The following ACADL variants were observed in gnomAD, a reference collection of about 807,000 sequenced individuals.
The protein encoded by ACADL is long-chain specific acyl-CoA dehydrogenase, mitochondrial.
Under a neutral mutation model 56.9 loss-of-function variants are expected in ACADL, and 60 were observed. The ratio of observed to expected loss-of-function variants is 1.05; its 90% confidence interval spans 0.86 to 1.31. The LOEUF is 1.31. Among genes scored for constraint, ACADL ranks in the 50% most tolerant of loss-of-function variants. ACADL has a pLI of 0.00. For synonymous variants in ACADL, 158 were observed against 179.7 expected, an observed-to-expected ratio of 0.88 and a Z score of 0.97; for missense variants, 484 against 525.5, an observed-to-expected ratio of 0.92 and a Z score of 0.77.
chr2:210,216,386 C>T lies in ACADL; in HGVS notation c.497G>A (p.Cys166Tyr), dbSNP rs774160815. 7.4e-6 allele frequency: 12 copies of T among 1,613,864 alleles called. No homozygotes were observed. The highest frequency in any genetic ancestry group is 1.0e-5 in the Non-Finnish European group (12 of 1,179,822). Residue 166 changes from cysteine (C) to tyrosine (Y), a missense_variant, in exon 4 of 11, where the codon TGT becomes TAT. Transcript: ENST00000233710. ...CTCTGTCATTGCTATTGCACCAATA[C>T]ATTTGCCTGCAGTCATCTGGGGAAT... is the stretch of plus-strand genomic sequence containing the variant. ...HFIPQMTAGKCIGAIAMTEPG... is the reference protein window; with the variant it reads ...HFIPQMTAGKYIGAIAMTEPG...
intron 10 of ACADL, among the ~76,000 whole-genome samples, chr2:210,192,263 G>T (rs918571991): frequency 7.3e-5 from 11 of 151,608 alleles, no homozygotes; most frequent in Admixed American, 3.3e-4. Flanking sequence ...AAGGCAGGCA[G>T]ATCACTTGAG....
chr2:210,206,874 C>T (rs563289237), intron 5 of ACADL, among the ~76,000 whole-genome samples: 1 of 152,190 alleles, frequency 6.6e-6, no homozygotes, highest in African/African-American at 2.4e-5. Flanking sequence ...GCCTCAAACT[C>T]CTGGTAAGCC....
intron 1 of ACADL, among the ~76,000 whole-genome samples, chr2:210,223,573 T>C (rs1689212854): frequency 6.6e-6 from 1 of 152,186 alleles, no homozygotes; most frequent in African/African-American, 2.4e-5. Flanking sequence ...AGAGGGTCTC[T>C]CAGGTCTCCC....
intron 5 of ACADL, chr2:210,209,848 T>G (rs1575677529): frequency 4.9e-6 from 1 of 204,948 alleles, no homozygotes; most frequent in East Asian, 1.3e-4. Context: ...ATGAGAAAGC[T>G]TTTCCCCCAA....
chr2:210,191,468 C>T (rs1163521075), intron 10 of ACADL, among the ~76,000 whole-genome samples: 3 of 152,204 alleles, frequency 2.0e-5, no homozygotes, highest in East Asian at 3.9e-4. Flanking sequence ...AATCTTAAGC[C>T]ATTTAGATGA....
intron 9 of ACADL, 97 bp downstream of exon 9, chr2:210,195,114 T>C (rs1688686096): frequency 6.7e-7 from 1 of 1,501,842 alleles, no homozygotes; most frequent in Non-Finnish European, 9.2e-7. Context: ...ATTTCACAGA[T>C]TTCTTCCTTT....
rs1688921802 is a variant in ACADL at position 210,208,248 on chromosome 2, A to G, written c.603+1948T>C. ...ATAGAAAGGAAGGGAGGAGAAATTCATTGGGCAAAAACTATTCATTTTAAT... is the reference window on the plus strand; with the variant it reads ...ATAGAAAGGAAGGGAGGAGAAATTCGTTGGGCAAAAACTATTCATTTTAAT... On this transcript the variant is annotated intron_variant, in intron 5 of 10. Transcript: ENST00000233710. Among the ~76,000 whole-genome samples, 7 of 152,248 alleles carry G rather than the reference A, an allele frequency of 4.6e-5. No individual in the cohort carries two copies. In the South Asian group the frequency reaches 1.4e-3, roughly 31 times the overall value.
At chr2:210,219,061 G>A (rs1487782682) in intron 2 of ACADL, among the ~76,000 whole-genome samples, 4 of 152,102 alleles carry the variant, frequency 2.6e-5, no homozygotes, top group Non-Finnish European at 5.9e-5. Context: ...GTGAGATATG[G>A]GGTATTTGAA....
intron 8 of ACADL, among the ~76,000 whole-genome samples, chr2:210,197,820 A>G (rs1688733436): frequency 6.6e-6 from 1 of 152,220 alleles, no homozygotes; most frequent in Non-Finnish European, 1.5e-5. Context: ...CCAGAATGGA[A>G]TGATTTAGAA....
chr2:210,209,394 T>C (rs879917585), intron 5 of ACADL, among the ~76,000 whole-genome samples: 2 of 152,180 alleles, frequency 1.3e-5, no homozygotes, highest in Non-Finnish European at 2.9e-5. Flanking sequence ...CTCATTGATA[T>C]CAGAGATCCT....
chr2:210,224,547 T>C (rs1213015787), intron 1 of ACADL: 5 of 985,344 alleles, frequency 5.1e-6, no homozygotes, highest in Non-Finnish European at 6.0e-6. Context: ...ACCACCTTAG[T>C]AGTCACTGAA....
Position 210,192,830 on chromosome 2 carries a change from T to TCCC in ACADL, c.1170_1172dup (p.Gly391dup). The TCCC allele has an allele frequency of 6.2e-7, 1 of 1,613,786 alleles. No individual in the cohort carries two copies. On this transcript the variant is annotated inframe_insertion, in exon 10 of 11. Transcript: ENST00000233710. Reference sequence around the variant, plus strand: ...TTGCAATTGGGTACTCCCACATGTATCCCCAACCTCCATGGAGCTGTACAC... The same window carrying TCCC: ...TTGCAATTGGGTACTCCCACATGTATCCCCCCCAACCTCCATGGAGCTGTACAC...
At chr2:210,191,477 G>A (rs1192155495) in intron 10 of ACADL, among the ~76,000 whole-genome samples, 3 of 152,050 alleles carry the variant, frequency 2.0e-5, no homozygotes, top group Non-Finnish European at 4.4e-5. Flanking sequence ...CCATTTAGAT[G>A]ATTGCCTTCT....
At chr2:210,208,595 A>T (rs541497910) in intron 5 of ACADL, among the ~76,000 whole-genome samples, 2 of 152,190 alleles carry the variant, frequency 1.3e-5, no homozygotes, top group African/African-American at 4.8e-5. Context: ...CAGATATTGT[A>T]TAGAGAATGT....
At chr2:210,210,300 A>T (rs759290381) in intron 4 of ACADL, 38 bp from the exon 5 acceptor site, 119 of 1,432,072 alleles carry the variant, frequency 8.3e-5, no homozygotes, top group South Asian at 7.5e-4. Flanking sequence ...TCATCAAATG[A>T]TAAAAATTAA....
chr2:210,195,840 G>C (rs1364775031), intron 8 of ACADL, among the ~76,000 whole-genome samples: 1 of 152,156 alleles, frequency 6.6e-6, no homozygotes, highest in East Asian at 1.9e-4. Context: ...CAAAATATAA[G>C]GTATTATTTA....
At position 210,218,076 on chromosome 2, in the gene ACADL, C is replaced by T. The variant is rs71528505; in HGVS notation, c.260G>A (p.Arg87Lys). ...SEWEKAGEVS[R>K]EVWEKAGKQG... Reference sequence around the variant, plus strand: ...TTTTCCAGCTTTTTCCCAAACCTCCCTACTTACTTCTCCAGCTTTCTCCCA... The same window carrying T: ...TTTTCCAGCTTTTTCCCAAACCTCCTTACTTACTTCTCCAGCTTTCTCCCA... Residue 87 changes from arginine (R) to lysine (K), a missense_variant, in exon 3 of 11, where the codon AGG becomes AAG. Coordinates refer to ENST00000233710, the MANE Select transcript of ACADL (RefSeq NM_001608.4). 2 of 1,613,838 alleles carry T rather than the reference C, an allele frequency of 1.2e-6. No individual in the cohort carries two copies. Among genetic ancestry groups the T allele is most frequent in the Non-Finnish European group, 1.7e-6 (2 of 1,179,934 alleles).
intron 6 of ACADL, 103 bp downstream of exon 6, chr2:210,205,529 A>C (rs952084850): frequency 6.9e-6 from 8 of 1,154,464 alleles, no homozygotes; most frequent in Non-Finnish European, 1.0e-5. Context: ...GGAATTCAGC[A>C]TAGGAAATAA....
chr2:210,206,890 T>C (rs1269038262), intron 5 of ACADL, among the ~76,000 whole-genome samples: 1 of 152,114 alleles, frequency 6.6e-6, no homozygotes, highest in Non-Finnish European at 1.5e-5. Context: ...AAGCCACATT[T>C]CTTGATAGGA....
Sources: allele counts gnomAD v4.1 joint callset (sites outside exome capture counted in the v4.1 genomes callset), GRCh38; gene constraint gnomAD v4.1.1; transcripts MANE v1.5; gene names NCBI Gene and HGNC (gene_info 2026-07-23, HGNC 2026-07-21).